Variants in CHMP4B observed in about 807,000 individuals in gnomAD.
CHMP4B encodes the protein charged multivesicular body protein 4B.
CHMP4B carries 1 observed loss-of-function variant against 25.1 expected under a neutral mutation model. The observed-to-expected ratio is 0.04, with a 90% CI of 0.01 to 0.19. The LOEUF is 0.19. Among genes scored for constraint, CHMP4B ranks in the 10% least tolerant of loss-of-function variants. The pLI is 1.00. For synonymous variants in CHMP4B, 101 were observed against 115.6 expected, an observed-to-expected ratio of 0.87 and a Z score of 0.81; for missense variants, 151 against 289.7, an observed-to-expected ratio of 0.52 and a Z score of 3.48.
Position 33,853,497 on chromosome 20 carries a change from C to T in CHMP4B, c.612C>T (p.Ala204=), listed in dbSNP as rs549872211. Residue 204 remains alanine, a splice_region_variant and synonymous_variant, in exon 5 of 5, where the codon GCC becomes GCT. Transcript: ENST00000217402. ...ATAGCCTTTTCTGTCTTCACACAGC[C>T]AAGAAGAAAGAAGAGGAGGACGACG... ...VPSIALPSKP[A]KKKEEEDDDM... is the part of the protein sequence containing the mutation. The T allele has an allele frequency of 1.2e-6, 2 of 1,613,604 alleles. No homozygotes were observed. Among genetic ancestry groups the T allele is most frequent in the South Asian group, 1.1e-5 (1 of 91,046 alleles).
intron 1 of CHMP4B, among the ~76,000 whole-genome samples, chr20:33,831,129 A>T (rs367578893): frequency 5.7e-4 from 83 of 146,592 alleles, no homozygotes; most frequent in Non-Finnish European, 1.1e-3. Flanking sequence ...TAGCTTTGTC[A>T]CAAGACTCAG....
chr20:33,848,959 G>C (rs1568611767), intron 2 of CHMP4B, among the ~76,000 whole-genome samples: 1 of 152,148 alleles, frequency 6.6e-6, no homozygotes, highest in Non-Finnish European at 1.5e-5. Context: ...TCCCAGAGAG[G>C]GAAGCGGATT....
At chr20:33,819,717 A>G (rs541171640) in intron 1 of CHMP4B, among the ~76,000 whole-genome samples, 1 of 152,344 alleles carries the variant, frequency 6.6e-6, no homozygotes, top group South Asian at 2.1e-4. Flanking sequence ...CTGAGTTCAC[A>G]TTCCACCTCT....
At chr20:33,839,899 T>C (rs1396899005) in intron 1 of CHMP4B, among the ~76,000 whole-genome samples, 1 of 152,206 alleles carries the variant, frequency 6.6e-6, no homozygotes, top group African/African-American at 2.4e-5. Flanking sequence ...ACAGTAACAG[T>C]ACCTACCTCA....
intron 1 of CHMP4B, among the ~76,000 whole-genome samples, chr20:33,816,457 A>C (rs1792174603): frequency 6.6e-6 from 1 of 152,196 alleles, no homozygotes; most frequent in South Asian, 2.1e-4. Flanking sequence ...TTCATTGAGA[A>C]CTGGATAGAA....
intron 1 of CHMP4B, among the ~76,000 whole-genome samples, chr20:33,821,935 G>A (rs1466017961): frequency 1.3e-5 from 2 of 151,232 alleles, no homozygotes; most frequent in Admixed American, 1.3e-4. Flanking sequence ...TCCCACCTCA[G>A]CCTCCTGAGT....
At chr20:33,826,629 A>T (rs1017203728) in intron 1 of CHMP4B, among the ~76,000 whole-genome samples, 2 of 152,060 alleles carry the variant, frequency 1.3e-5, no homozygotes, top group Non-Finnish European at 2.9e-5. Context: ...GTATCTGGGG[A>T]CTGTTCCCTT....
rs1026448080 is a variant in CHMP4B, at chr20:33,853,672, G to T, written c.*112G>T. On this transcript the variant is annotated 3_prime_UTR_variant, in exon 5 of 5. Coordinates refer to ENST00000217402, the MANE Select transcript of CHMP4B (RefSeq NM_176812.5). ...GGTGCAGGCAGGTTCCATCGCTTTCGACTCTCACTCCAAAGCAGTAGGGCC... is the reference window on the plus strand; with the variant it reads ...GGTGCAGGCAGGTTCCATCGCTTTCTACTCTCACTCCAAAGCAGTAGGGCC... The T allele has an allele frequency of 5.0e-5, 40 of 802,882 alleles. No homozygotes were observed. In the African/African-American group the frequency reaches 6.2e-4, roughly 12 times the overall value. 49.7% of individuals were successfully genotyped at this position (802,882 alleles called of 1,614,324 possible).
chr20:33,840,050 A>G (rs1979491836), intron 1 of CHMP4B, among the ~76,000 whole-genome samples: 1 of 152,186 alleles, frequency 6.6e-6, no homozygotes, highest in Admixed American at 6.5e-5. Context: ...ACCATGCCAT[A>G]ACTGTATACT....
At chr20:33,818,651 G>A (rs1978848025) in intron 1 of CHMP4B, among the ~76,000 whole-genome samples, 1 of 152,214 alleles carries the variant, frequency 6.6e-6, no homozygotes, top group Non-Finnish European at 1.5e-5. Context: ...GGGGACAGAA[G>A]GGTTGGGGCA....
chr20:33,817,341 C>G lies in CHMP4B; in HGVS notation c.190+5683C>G, dbSNP rs79872144. On this transcript the variant is annotated intron_variant, in intron 1 of 4. Coordinates refer to ENST00000217402, the MANE Select transcript of CHMP4B (RefSeq NM_176812.5). Reference sequence around the variant, plus strand: ...GGTTCCTTTAATTCAAATGACAAATCCTTATTTTGCCCCATTTGGCAGGGA... The same window carrying G: ...GGTTCCTTTAATTCAAATGACAAATGCTTATTTTGCCCCATTTGGCAGGGA... 7.5e-3 allele frequency among the ~76,000 whole-genome samples: 1,149 copies of G among 152,352 alleles called. 13 individuals carry two copies. Among genetic ancestry groups the G allele is most frequent in the African/African-American group, 0.026 (1,095 of 41,588 alleles).
At chr20:33,820,622 A>G (rs748840375) in intron 1 of CHMP4B, among the ~76,000 whole-genome samples, 1 of 152,062 alleles carries the variant, frequency 6.6e-6, no homozygotes, top group African/African-American at 2.4e-5. Context: ...CTAGAAGCAT[A>G]CTTAGGATTC....
Position 33,811,669 on chromosome 20 carries a change from C to G in CHMP4B, c.190+11C>G. On this transcript the variant is annotated intron_variant, in intron 1 of 4. Coordinates refer to ENST00000217402, the MANE Select transcript of CHMP4B (RefSeq NM_176812.5). ...CCAAAAACAAGCGCGGTGAGGCTGC[C>G]CGGCCCCTTCAGACTTGCCACGGGC... The G allele has an allele frequency of 6.2e-7, 1 of 1,611,792 alleles. No homozygotes were observed. Among genetic ancestry groups the G allele is most frequent in the Admixed American group, 1.7e-5 (1 of 59,722 alleles).
At chr20:33,843,300 C>G (rs1166821712) in intron 1 of CHMP4B, among the ~76,000 whole-genome samples, 1 of 152,208 alleles carries the variant, frequency 6.6e-6, no homozygotes, top group Non-Finnish European at 1.5e-5. Flanking sequence ...TAATTACTCT[C>G]TTGGAACTGG....
chr20:33,846,207 GCCAGTTA>G (rs1426822913), intron 1 of CHMP4B, among the ~76,000 whole-genome samples: 2 of 152,152 alleles, frequency 1.3e-5, no homozygotes, highest in African/African-American at 2.4e-5. Flanking sequence ...TCCCCTCTCT[GCCAGTTA>G]CCTGGGCTGA....
At chr20:33,824,639 C>T (rs1979037008) in intron 1 of CHMP4B, among the ~76,000 whole-genome samples, 1 of 152,248 alleles carries the variant, frequency 6.6e-6, no homozygotes. Context: ...CTCATTTTCT[C>T]TGTGACCTCT....
intron 1 of CHMP4B, among the ~76,000 whole-genome samples, chr20:33,815,028 G>A (rs1307046573): frequency 3.3e-5 from 5 of 152,228 alleles, no homozygotes; most frequent in Non-Finnish European, 5.9e-5. Context: ...AGGAAGAAGT[G>A]TAGACTGACC....
chr20:33,832,787 T>A (rs1979288241), intron 1 of CHMP4B, among the ~76,000 whole-genome samples: 1 of 151,196 alleles, frequency 6.6e-6, no homozygotes. Flanking sequence ...TTTTTTTTTT[T>A]TTTTTTAAAG....
chr20:33,811,709 C>A, intron 1 of CHMP4B, 51 bp downstream of exon 1: 2 of 1,574,170 alleles, frequency 1.3e-6, no homozygotes, highest in African/African-American at 1.3e-5. Flanking sequence ...CCCAGGCTCC[C>A]CGGGCCCGGA....
Sources: allele counts gnomAD v4.1 joint callset (sites outside exome capture counted in the v4.1 genomes callset), GRCh38; gene constraint gnomAD v4.1.1; transcripts MANE v1.5; gene names NCBI Gene and HGNC (gene_info 2026-07-23, HGNC 2026-07-21).